PCDH11X: variants seen among roughly 807,000 people sequenced by gnomAD.
PCDH11X encodes the protein protocadherin 11 X-linked, also known as protocadherin-11 X-linked.
A neutral mutation model predicts 53.3 loss-of-function variants in PCDH11X; 18 were observed. The ratio of observed to expected loss-of-function variants is 0.34; its 90% CI spans 0.23 to 0.50. The LOEUF is 0.50. Ranked by LOEUF, PCDH11X falls within the 20% of genes least tolerant of loss-of-function variation. The pLI is 0.98. For synonymous variants in PCDH11X, 279 were observed against 393.3 expected (o/e 0.71, Z 3.44); for missense variants, 570 against 1,032.4 (o/e 0.55, Z 6.14).
chrX:92,277,700 A>C (rs184404509), intron 8 of PCDH11X, among the ~76,000 whole-genome samples: 1 of 109,265 alleles, frequency 9.2e-6, no homozygotes, highest in East Asian at 2.9e-4. Flanking sequence ...AGGGCACGGA[A>C]ATAAGGGGTC....
intron 7 of PCDH11X, among the ~76,000 whole-genome samples, chrX:92,260,100 G>A (rs907672787): frequency 3.6e-5 from 4 of 110,578 alleles, no homozygotes; most frequent in Non-Finnish European, 7.6e-5. Flanking sequence ...TCCCCAGCTT[G>A]TGTCTCGGTA....
chrX:92,038,311 C>A (rs1031435200), intron 6 of PCDH11X, among the ~76,000 whole-genome samples: 3 of 110,043 alleles, frequency 2.7e-5, no homozygotes, highest in Non-Finnish European at 3.8e-5. Context: ...GTTTTGTGGG[C>A]CAGGCTCAAG....
At chrX:92,367,492 T>C (rs1169039577) in intron 8 of PCDH11X, among the ~76,000 whole-genome samples, 7 of 111,297 alleles carry the variant, frequency 6.3e-5, no homozygotes, top group Non-Finnish European at 1.1e-4. Context: ...TTAACCCATT[T>C]ACATTTAAGG....
chrX:91,991,957 A>T (rs192754857), intron 6 of PCDH11X, among the ~76,000 whole-genome samples: 5,568 of 93,505 alleles, frequency 0.06, 120 homozygotes, highest in African/African-American at 0.094. Flanking sequence ...GTTAGTTGTC[A>T]CTTAAGTTTT....
chrX:92,221,246 AT>A (rs1224812850), intron 7 of PCDH11X, among the ~76,000 whole-genome samples: 32 of 38,284 alleles, frequency 8.4e-4, no homozygotes, highest in East Asian at 3.0e-3. Context: ...AAAATTGCTC[AT>A]TTTTTTTTTA....
At chrX:91,807,176 CAAAA>C (rs1218341876) in intron 1 of PCDH11X, among the ~76,000 whole-genome samples, 2 of 32,303 alleles carry the variant, frequency 6.2e-5, no homozygotes, top group Non-Finnish European at 1.1e-4. Context: ...CTCATCTCTA[CAAAA>C]AAAAAAAAAA....
intron 6 of PCDH11X, among the ~76,000 whole-genome samples, chrX:92,147,984 C>CCTTTCTTTCTTTCTTTCTTTCTTT (rs1164396401): frequency 4.2e-5 from 3 of 72,099 alleles, no homozygotes; most frequent in African/African-American, 2.4e-4. Context: ...TTCCTTCCTT[C>CCTTTCTTTCTTTCTTTCTTTCTTT]CTTTCTTTCT....
chrX:91,870,208 T>G (rs768866203), intron 5 of PCDH11X, among the ~76,000 whole-genome samples: 2 of 111,828 alleles, frequency 1.8e-5, no homozygotes, highest in South Asian at 3.6e-4. Flanking sequence ...GCTTAAAACA[T>G]TGTGAATTTA....
intron 6 of PCDH11X, among the ~76,000 whole-genome samples, chrX:92,087,912 T>A (rs1004563816): frequency 1.9e-5 from 2 of 106,828 alleles, no homozygotes; most frequent in Admixed American, 2.1e-4. Flanking sequence ...TGCTTATATA[T>A]TTATATAAGA....
At chrX:91,843,261 T>TTGTG (rs1491364737) in intron 5 of PCDH11X, among the ~76,000 whole-genome samples, 44 of 57,418 alleles carry the variant, frequency 7.7e-4, no homozygotes, top group African/African-American at 2.8e-3. Context: ...ACATACATAC[T>TTGTG]TATGTGTGTG....
At chrX:92,039,688 A>G (rs2476101) in intron 6 of PCDH11X, among the ~76,000 whole-genome samples, 4 of 111,985 alleles carry the variant, frequency 3.6e-5, no homozygotes, top group African/African-American at 9.8e-5. Flanking sequence ...GACCCCAAGA[A>G]CCTGCTTTAT....
At chrX:92,208,865 G>A (rs2066528687) in intron 7 of PCDH11X, among the ~76,000 whole-genome samples, 1 of 110,416 alleles carries the variant, frequency 9.1e-6, no homozygotes, top group Non-Finnish European at 1.9e-5. Context: ...GGCTGTGGAA[G>A]CCTCAAGAAA....
At chrX:92,255,638 T>G (rs1313018305) in intron 7 of PCDH11X, among the ~76,000 whole-genome samples, 1 of 109,858 alleles carries the variant, frequency 9.1e-6, no homozygotes, top group Non-Finnish European at 1.9e-5. Flanking sequence ...GTCCTTTCTG[T>G]TTGTTAGTTT....
In PCDH11X at chrX:92,100,455, AG is replaced by A. The variant is rs1172442386; in HGVS notation, c.3034-100919del. On this transcript the variant is annotated intron_variant, in intron 6 of 10. Transcript: ENST00000682573. ...TAGGAGTGGGGGTCGCAAGGTGCTC[AG>A]TGGGGGTGCTTTTTGAGCCAGGATG... 4.6e-5 allele frequency among the ~76,000 whole-genome samples: 5 copies of A among 109,722 alleles called. No homozygotes were observed. In the Admixed American group the frequency reaches 4.9e-4, roughly 11 times the overall value.
intron 9 of PCDH11X, among the ~76,000 whole-genome samples, chrX:92,445,140 C>A (rs2072608191): frequency 1.0e-5 from 1 of 98,529 alleles, no homozygotes; most frequent in South Asian, 4.8e-4. Context: ...TTGGGACCAG[C>A]TCTTCTTTGT....
chrX:92,174,344 T>C (rs956144232), intron 6 of PCDH11X, among the ~76,000 whole-genome samples: 8 of 110,665 alleles, frequency 7.2e-5, no homozygotes, highest in Non-Finnish European at 1.3e-4. Flanking sequence ...TACTAGAGGG[T>C]TTTTTGACAT....
rs746179006 is a variant in PCDH11X at position 92,545,672 on chromosome X, G to C, written c.3368-72592G>C. Reference sequence around the variant, plus strand: ...CCCTTCAGCCTATCAAAGTACTGGGGTTACAGGTGTGAGCCACCACACCCA... The same window carrying C: ...CCCTTCAGCCTATCAAAGTACTGGGCTTACAGGTGTGAGCCACCACACCCA... On this transcript the variant is annotated intron_variant, in intron 10 of 10. Coordinates refer to ENST00000682573, the MANE Select transcript of PCDH11X (RefSeq NM_032968.5). Among the ~76,000 whole-genome samples the C allele has an allele frequency of 9.0e-5, 10 of 110,989 alleles. No homozygotes were observed. In the East Asian group the frequency reaches 2.0e-3, roughly 22 times the overall value.
chrX:92,130,881 A>G (rs973770397), intron 6 of PCDH11X, among the ~76,000 whole-genome samples: 1 of 110,298 alleles, frequency 9.1e-6, no homozygotes, highest in Non-Finnish European at 1.9e-5. Flanking sequence ...AGTAGGTACA[A>G]CGACCTAGAA....
intron 8 of PCDH11X, among the ~76,000 whole-genome samples, chrX:92,316,136 A>G (rs1323395447): frequency 6.8e-5 from 7 of 102,441 alleles, no homozygotes; most frequent in African/African-American, 1.8e-4. Context: ...TAGATGTACA[A>G]TTGTGCTAGA....
Sources: allele counts gnomAD v4.1 joint callset (sites outside exome capture counted in the v4.1 genomes callset), GRCh38; gene constraint gnomAD v4.1.1; transcripts MANE v1.5; gene names NCBI Gene and HGNC (gene_info 2026-07-23, HGNC 2026-07-21).